The following PCSK2 variants were observed in gnomAD, a reference collection of about 807,000 sequenced individuals.
PCSK2 encodes neuroendocrine convertase 2.
In PCSK2, 14 loss-of-function variants were observed where a neutral mutation model predicts 69.7. That is an observed-to-expected ratio of 0.20 (90% CI 0.13 to 0.31). The LOEUF is 0.31. PCSK2 is among the 10% of genes least tolerant of loss of function. The pLI is 1.00. For synonymous variants in PCSK2, 307 were observed against 320.7 expected (o/e 0.96, Z 0.46); for missense variants, 544 against 842.5 (o/e 0.65, Z 4.39).
At chr20:17,345,659 C>T (rs1200821337) in intron 2 of PCSK2, among the ~76,000 whole-genome samples, 3 of 152,204 alleles carry the variant, frequency 2.0e-5, no homozygotes, top group African/African-American at 7.2e-5. Flanking sequence ...GAGGCCCTAC[C>T]TCAGAACATG....
At chr20:17,229,135 T>C (rs1017768007) in intron 1 of PCSK2, among the ~76,000 whole-genome samples, 6 of 152,014 alleles carry the variant, frequency 3.9e-5, no homozygotes, top group East Asian at 1.9e-4. Flanking sequence ...AGTCCTTACA[T>C]AGATTTTTAC....
chr20:17,449,344 G>A (rs977095853), intron 8 of PCSK2, among the ~76,000 whole-genome samples: 22 of 152,198 alleles, frequency 1.4e-4, no homozygotes, highest in Admixed American at 1.3e-3. Context: ...TAATCCATGG[G>A]TGAATTCCCA....
At chr20:17,480,926 C>G (rs2033388394) in intron 11 of PCSK2, among the ~76,000 whole-genome samples, 1 of 152,142 alleles carries the variant, frequency 6.6e-6, no homozygotes, top group African/African-American at 2.4e-5. Flanking sequence ...GGGAGGAAGC[C>G]CAGGGGGAAC....
intron 1 of PCSK2, among the ~76,000 whole-genome samples, chr20:17,234,847 T>C (rs1321870905): frequency 6.6e-6 from 1 of 152,176 alleles, no homozygotes; most frequent in Non-Finnish European, 1.5e-5. Context: ...ACATGAAATC[T>C]GAAGTTCAAT....
At chr20:17,347,855 A>G (rs1990702874) in intron 2 of PCSK2, among the ~76,000 whole-genome samples, 1 of 132,752 alleles carries the variant, frequency 7.5e-6, no homozygotes, top group Admixed American at 7.6e-5. Flanking sequence ...AAAGAAAGAA[A>G]GAAAGAGGAG....
chr20:17,298,380 T>C (rs994235645), intron 2 of PCSK2, among the ~76,000 whole-genome samples: 1 of 152,118 alleles, frequency 6.6e-6, no homozygotes, highest in East Asian at 1.9e-4. Context: ...CTTGGCAATG[T>C]TGGGAGACAG....
At chr20:17,233,622 A>G (rs1278243451) in intron 1 of PCSK2, among the ~76,000 whole-genome samples, 3 of 152,194 alleles carry the variant, frequency 2.0e-5, no homozygotes, top group African/African-American at 7.2e-5. Context: ...AATGCAGTAC[A>G]GTTACCATGA....
At chr20:17,336,165 T>C (rs935888768) in intron 2 of PCSK2, among the ~76,000 whole-genome samples, 2 of 152,206 alleles carry the variant, frequency 1.3e-5, no homozygotes, top group South Asian at 2.1e-4. Flanking sequence ...ATATAATCAT[T>C]GTAAAGTATT....
intron 11 of PCSK2, among the ~76,000 whole-genome samples, chr20:17,468,046 T>A (rs11697888): frequency 0.44 from 65,727 of 150,468 alleles, 14,293 homozygotes; most frequent in South Asian, 0.61. Flanking sequence ...ATAGATGGGC[T>A]GCCTACCATA....
intron 2 of PCSK2, among the ~76,000 whole-genome samples, chr20:17,263,909 C>T (rs537351110): frequency 1.3e-5 from 2 of 152,228 alleles, no homozygotes; most frequent in East Asian, 3.9e-4. Flanking sequence ...ACTAAAAATA[C>T]CTTCTCAACA....
At chr20:17,391,053 G>A (rs528705901) in intron 5 of PCSK2, among the ~76,000 whole-genome samples, 48 of 152,314 alleles carry the variant, frequency 3.2e-4, no homozygotes, top group African/African-American at 1.1e-3. Flanking sequence ...ACTACGAGAC[G>A]AATGTGTTTC....
intron 1 of PCSK2, among the ~76,000 whole-genome samples, chr20:17,254,694 G>A (rs906053017): frequency 1.3e-5 from 2 of 152,122 alleles, no homozygotes; most frequent in African/African-American, 4.8e-5. Flanking sequence ...GGTCTCTTGA[G>A]TTTACATTTG....
At chr20:17,389,160 G>T (rs978418017) in intron 5 of PCSK2, among the ~76,000 whole-genome samples, 3 of 149,748 alleles carry the variant, frequency 2.0e-5, no homozygotes, top group Non-Finnish European at 4.5e-5. Context: ...CTACATTACC[G>T]CCATAAATGG....
intron 1 of PCSK2, among the ~76,000 whole-genome samples, chr20:17,254,350 T>G (rs565695260): frequency 6.6e-6 from 1 of 152,206 alleles, no homozygotes; most frequent in Non-Finnish European, 1.5e-5. Flanking sequence ...GGACTACTAA[T>G]CATTTTGAGT....
intron 7 of PCSK2, among the ~76,000 whole-genome samples, chr20:17,431,253 C>A (rs1363200418): frequency 6.6e-6 from 1 of 152,160 alleles, no homozygotes; most frequent in Non-Finnish European, 1.5e-5. Context: ...TCAGAATTGA[C>A]CCCGCTAATG....
At chr20:17,396,089 G>A (rs2031504582) in intron 5 of PCSK2, among the ~76,000 whole-genome samples, 1 of 152,162 alleles carries the variant, frequency 6.6e-6, no homozygotes, top group Admixed American at 6.5e-5. Context: ...AGAACACCCA[G>A]TCAAAAGAGA....
At position 17,227,319 on chromosome 20, in the gene PCSK2, G is replaced by C. The variant is rs1600390034; in HGVS notation, c.14G>C (p.Cys5Ser). ...TCCCAAAGAAGGATGAAGGGTGGTTGTGTCTCCCAGTGGAAGGCGGCCGCC... is the reference window on the plus strand; with the variant it reads ...TCCCAAAGAAGGATGAAGGGTGGTTCTGTCTCCCAGTGGAAGGCGGCCGCC... MKGG[C>S]VSQWKAAAGF... Residue 5 changes from cysteine (C) to serine (S), a missense_variant, in exon 1 of 12, where the codon TGT becomes TCT. Physicochemically the swap from Cys to Ser is moderately radical, Grantham distance 112 (BLOSUM62 -1). Around this residue, in one of 3 missense-constraint regions of PCSK2, gnomAD observed 157 missense variants for 155.0 expected, o/e 1.01. Coordinates refer to ENST00000262545, the MANE Select transcript of PCSK2 (RefSeq NM_002594.5). The C allele has an allele frequency of 1.2e-6, 2 of 1,613,824 alleles. No individual in the cohort carries two copies. Among genetic ancestry groups the C allele is most frequent in the East Asian group, 4.5e-5 (2 of 44,866 alleles).
At chr20:17,239,714 A>G (rs1986485568) in intron 1 of PCSK2, among the ~76,000 whole-genome samples, 1 of 152,206 alleles carries the variant, frequency 6.6e-6, no homozygotes, top group Non-Finnish European at 1.5e-5. Context: ...GAGTAAGTTC[A>G]GTAAACAAAC....
At chr20:17,227,568 GTT>G in intron 1 of PCSK2, 86 bp downstream of exon 1, 1 of 1,022,544 alleles carries the variant, frequency 9.8e-7, no homozygotes, top group Non-Finnish European at 1.5e-6. Context: ...AGATTTGCAA[GTT>G]TTCTCTCTTT....
Sources: allele counts gnomAD v4.1 joint callset (sites outside exome capture counted in the v4.1 genomes callset), GRCh38; gene constraint gnomAD v4.1.1; regional missense constraint gnomAD v4.1.1; transcripts MANE v1.5; gene names NCBI Gene and HGNC (gene_info 2026-07-23, HGNC 2026-07-21).